Variants in NTM observed in about 807,000 individuals in gnomAD.
NTM encodes neurotrimin.
A neutral mutation model predicts 42.1 loss-of-function variants in NTM; 13 were observed. That is an observed-to-expected ratio of 0.31 (90% CI 0.20 to 0.49). The LOEUF (loss-of-function observed/expected upper bound fraction) is 0.49. Among genes scored for constraint, NTM ranks in the 20% least tolerant of loss-of-function variants. The pLI is 0.99. For synonymous variants in NTM, 187 were observed against 179.2 expected, an observed-to-expected ratio of 1.04 and a Z score of -0.35; for missense variants, 373 against 452.8, an observed-to-expected ratio of 0.82 and a Z score of 1.60.
At chr11:131,612,569 A>G (rs1380663651) in intron 1 of NTM, among the ~76,000 whole-genome samples, 2 of 152,258 alleles carry the variant, frequency 1.3e-5, no homozygotes, top group African/African-American at 4.8e-5. Context: ...AGAAAAAGAA[A>G]TGGATGCATA....
In NTM at chr11:132,335,310, T is replaced by TG. The variant is rs1038273233; in HGVS notation, c.*170dup. On this transcript the variant is annotated 3_prime_UTR_variant, in exon 9 of 9. Transcript: ENST00000683400. ...TGAGGGAGGGGAACAAAGAATACTT[T>TG]GGGGGGAAAAAAGTTTTAAAAAAGA... 4.0e-6 allele frequency: 3 copies of TG among 743,030 alleles called. No individual in the cohort carries two copies. The highest frequency in any genetic ancestry group is 2.0e-5 in the South Asian group (1 of 50,558). The allele number at this position is 743,030 out of a possible 1,614,324, so 46.0% of individuals were successfully genotyped here. A position where few individuals can be genotyped will look rare whatever the true frequency, so the allele number is the denominator to read the frequency against.
intron 1 of NTM, among the ~76,000 whole-genome samples, chr11:131,391,236 G>T (rs949453068): frequency 6.6e-6 from 1 of 152,170 alleles, no homozygotes; most frequent in African/African-American, 2.4e-5. Context: ...TGTTTCCTGA[G>T]TCTGTACCCT....
chr11:132,215,209 A>G (rs944232615), intron 4 of NTM, among the ~76,000 whole-genome samples: 2 of 152,234 alleles, frequency 1.3e-5, no homozygotes, highest in Non-Finnish European at 2.9e-5. Flanking sequence ...TCGAGGGTAG[A>G]TCACAGTTCC....
At chr11:131,929,388 T>C (rs544340628) in intron 2 of NTM, among the ~76,000 whole-genome samples, 19 of 152,160 alleles carry the variant, frequency 1.2e-4, no homozygotes, top group African/African-American at 4.3e-4. Flanking sequence ...TTGGATTTTA[T>C]TCTTCGTCTT....
At chr11:131,639,996 TA>T (rs1472573770) in intron 1 of NTM, among the ~76,000 whole-genome samples, 1 of 148,976 alleles carries the variant, frequency 6.7e-6, no homozygotes, top group Non-Finnish European at 1.5e-5. Flanking sequence ...TAAAAATAAA[TA>T]AATAAAAAAA....
At chr11:131,871,122 A>G (rs1466516779) in intron 1 of NTM, among the ~76,000 whole-genome samples, 4 of 152,200 alleles carry the variant, frequency 2.6e-5, no homozygotes, top group Non-Finnish European at 5.9e-5. Context: ...AACACTACCA[A>G]GAAAGAGTTT....
intron 1 of NTM, among the ~76,000 whole-genome samples, chr11:131,823,147 AG>A (rs1224759654): frequency 1.3e-5 from 2 of 152,178 alleles, no homozygotes; most frequent in African/African-American, 2.4e-5. Context: ...ATTACTTGGG[AG>A]GGGAGATACA....
chr11:132,302,287 A>T lies in NTM; in HGVS notation c.527-5402A>T, dbSNP rs547269512. Among the ~76,000 whole-genome samples, 6 of 152,344 alleles carry T rather than the reference A, an allele frequency of 3.9e-5. No homozygotes were observed. In the South Asian group the frequency reaches 1.2e-3, roughly 32 times the overall value. ...TACTTCTTCATTGATCTACACTTTT[A>T]AATTAAGGATGCCTTCTCCTGAGGA... On this transcript the variant is annotated intron_variant, in intron 4 of 8. Coordinates refer to ENST00000683400, the MANE Select transcript of NTM (RefSeq NM_001352005.2).
intron 2 of NTM, among the ~76,000 whole-genome samples, chr11:131,984,862 A>G (rs182568232): frequency 1.3e-5 from 2 of 152,242 alleles, no homozygotes; most frequent in Admixed American, 1.3e-4. Context: ...CTTAATGTGG[A>G]TACATTGGGA....
intron 1 of NTM, among the ~76,000 whole-genome samples, chr11:131,612,629 A>C (rs1458969712): frequency 6.6e-6 from 1 of 152,270 alleles, no homozygotes; most frequent in Non-Finnish European, 1.5e-5. Context: ...GAAATTGCAG[A>C]CAGTTACAGA....
intron 1 of NTM, among the ~76,000 whole-genome samples, chr11:131,628,868 G>A (rs907858773): frequency 8.5e-5 from 13 of 152,252 alleles, no homozygotes; most frequent in African/African-American, 3.1e-4. Context: ...ATGTCCAGTT[G>A]GGGTGATGGG....
intron 1 of NTM, among the ~76,000 whole-genome samples, chr11:131,516,694 C>T (rs957994387): frequency 1.3e-5 from 2 of 152,180 alleles, no homozygotes; most frequent in African/African-American, 4.8e-5. Context: ...AAAAAAGTTA[C>T]ACCTCCATTG....
chr11:131,688,081 G>A (rs1169834600), intron 1 of NTM, among the ~76,000 whole-genome samples: 2 of 152,234 alleles, frequency 1.3e-5, no homozygotes, highest in Admixed American at 6.5e-5. Flanking sequence ...GGAGGGGTGC[G>A]ACGCGCGCTG....
intron 1 of NTM, among the ~76,000 whole-genome samples, chr11:131,713,330 A>G (rs1167418075): frequency 2.0e-5 from 3 of 152,176 alleles, no homozygotes; most frequent in Non-Finnish European, 2.9e-5. Context: ...TAGCTGTGAT[A>G]AAGTTCTCTC....
At chr11:131,725,379 T>C (rs1345592077) in intron 1 of NTM, among the ~76,000 whole-genome samples, 1 of 152,042 alleles carries the variant, frequency 6.6e-6, no homozygotes, top group Non-Finnish European at 1.5e-5. Flanking sequence ...TATAGACAAA[T>C]AAATTCTATG....
intron 4 of NTM, 104 bp from the exon 5 acceptor site, chr11:132,307,585 C>T: frequency 6.7e-7 from 1 of 1,499,074 alleles, no homozygotes; most frequent in Non-Finnish European, 9.0e-7. Flanking sequence ...TTACAACTGG[C>T]AAATTATCTG....
At chr11:131,586,062 C>T (rs1052405500) in intron 1 of NTM, among the ~76,000 whole-genome samples, 6 of 151,326 alleles carry the variant, frequency 4.0e-5, no homozygotes, top group Non-Finnish European at 8.8e-5. Flanking sequence ...TAGGTAATCT[C>T]GTGTGTGTGT....
In NTM at chr11:131,878,522, A is replaced by T. The variant is rs570115867; in HGVS notation, c.83-33042A>T. Among the ~76,000 whole-genome samples, 6 of 138,620 alleles carry T rather than the reference A, an allele frequency of 4.3e-5. No homozygotes were observed. In the South Asian group the frequency reaches 1.5e-3, roughly 35 times the overall value. 90.9% of individuals were successfully genotyped at this position (138,620 alleles called of 152,430 possible). A position where few individuals can be genotyped will look rare whatever the true frequency, so the allele number is the denominator to read the frequency against. On this transcript the variant is annotated intron_variant, in intron 1 of 8. Transcript: ENST00000683400. ...GAGGCAGAGGTTGCAGTGACCCGAG[A>T]TGGCACCGCTGCACTCCAGCCTAGG... is the stretch of plus-strand genomic sequence containing the variant.
chr11:131,935,248 A>G (rs2059085313), intron 2 of NTM, among the ~76,000 whole-genome samples: 1 of 152,206 alleles, frequency 6.6e-6, no homozygotes, highest in African/African-American at 2.4e-5. Flanking sequence ...ATAATGAACT[A>G]TTTACAGCTT....
Sources: allele counts gnomAD v4.1 joint callset (sites outside exome capture counted in the v4.1 genomes callset), GRCh38; gene constraint gnomAD v4.1.1; transcripts MANE v1.5; gene names NCBI Gene and HGNC (gene_info 2026-07-23, HGNC 2026-07-21).